Variants in TMED8 observed in about 807,000 individuals in gnomAD.
TMED8 encodes transmembrane p24 trafficking protein family member 8, also known as protein TMED8.
TMED8 carries 15 observed loss-of-function variants against 32.7 expected under a neutral mutation model. The observed-to-expected ratio is 0.46, with a 90% CI of 0.31 to 0.71. The LOEUF is 0.71. Ranked by LOEUF, TMED8 falls within the 30% of genes least tolerant of loss-of-function variation. TMED8 has a pLI of 0.06. For missense variants in TMED8, 390 were observed against 423.9 expected, an observed-to-expected ratio of 0.92 and a Z score of 0.70; for synonymous variants, 147 against 161.4, an observed-to-expected ratio of 0.91 and a Z score of 0.68.
chr14:77,376,869 C>A lies in TMED8; in HGVS notation c.118+67G>T, dbSNP rs1415172409. ...AGCCCAGGACAGAGCGCGGCGGAGGCTCGCGCCGTGGTGCGGGGCCCTGAG... is the reference window on the plus strand; with the variant it reads ...AGCCCAGGACAGAGCGCGGCGGAGGATCGCGCCGTGGTGCGGGGCCCTGAG... On this transcript the variant is annotated intron_variant, in intron 1 of 5. Transcript: ENST00000216468. The surrounding 1 kb of genome is among the most constrained non-coding windows in gnomAD (Gnocchi z 4.0). 2 of 1,052,230 alleles carry A rather than the reference C, an allele frequency of 1.9e-6. No homozygotes were observed. The highest frequency in any genetic ancestry group is 2.5e-6 in the Non-Finnish European group (2 of 792,392). 65.2% of individuals were successfully genotyped at this position (1,052,230 alleles called of 1,614,324 possible).
At chr14:77,360,406 CTTTT>C (rs936317278) in intron 1 of TMED8, among the ~76,000 whole-genome samples, 1 of 144,740 alleles carries the variant, frequency 6.9e-6, no homozygotes, top group African/African-American at 2.5e-5. Context: ...GTGTACTTGA[CTTTT>C]TTTTTTTTAG....
chr14:77,350,990 C>T (rs1301984040), intron 2 of TMED8, among the ~76,000 whole-genome samples: 1 of 152,118 alleles, frequency 6.6e-6, no homozygotes, highest in African/African-American at 2.4e-5. Context: ...CCGCTTTAAG[C>T]TTCTGGTTTG....
intron 1 of TMED8, among the ~76,000 whole-genome samples, chr14:77,363,857 T>C (rs1893492287): frequency 6.6e-6 from 1 of 152,176 alleles, no homozygotes; most frequent in South Asian, 2.1e-4. Context: ...ACTGTGTGGA[T>C]GTACACCATA....
At chr14:77,357,256 T>A (rs746352092) in intron 1 of TMED8, among the ~76,000 whole-genome samples, 16 of 152,216 alleles carry the variant, frequency 1.1e-4, no homozygotes, top group Admixed American at 6.5e-5. Flanking sequence ...AAGAGGCACA[T>A]AATCTATGGT....
At chr14:77,343,116 A>G in intron 5 of TMED8, 62 bp downstream of exon 5, 1 of 1,543,310 alleles carries the variant, frequency 6.5e-7, no homozygotes, top group Non-Finnish European at 8.8e-7. Context: ...ACAACCCACA[A>G]AATGGTCACC....
At position 77,341,833 on chromosome 14, in the gene TMED8, C is replaced by T. The variant is rs760072803; in HGVS notation, c.916G>A (p.Asp306Asn). 4.3e-6 allele frequency: 7 copies of T among 1,613,642 alleles called. No individual in the cohort carries two copies. The highest frequency in any genetic ancestry group is 2.2e-5 in the East Asian group (1 of 44,818). ...PGEGIYLLKF[D>N]NSYSLLRNKT... ...TTGCGCAGCAGGGAGTAGGAGTTGTCGAACTTGAGCAGGTAGATGCCCTCA... is the reference window on the plus strand; with the variant it reads ...TTGCGCAGCAGGGAGTAGGAGTTGTTGAACTTGAGCAGGTAGATGCCCTCA... The change falls in exon 6 of 6, where the codon GAC becomes AAC. Residue 306 changes from aspartate (D) to asparagine (N), a missense_variant. By Grantham distance (23) the Asp-to-Asn change is conservative. Coordinates refer to ENST00000216468, the MANE Select transcript of TMED8 (RefSeq NM_213601.3).
chr14:77,374,353 A>C (rs1893766231), intron 1 of TMED8, among the ~76,000 whole-genome samples: 2 of 152,244 alleles, frequency 1.3e-5, no homozygotes, highest in Admixed American at 1.3e-4. Flanking sequence ...ACTCTAACAC[A>C]GCGTTCCCAA....
intron 1 of TMED8, among the ~76,000 whole-genome samples, chr14:77,358,844 G>T (rs896687357): frequency 6.6e-6 from 1 of 151,976 alleles, no homozygotes; most frequent in African/African-American, 2.4e-5. Flanking sequence ...ACATATAGTT[G>T]TATGTTGCCC....
chr14:77,373,761 G>A (rs1893751105), intron 1 of TMED8, among the ~76,000 whole-genome samples: 1 of 152,212 alleles, frequency 6.6e-6, no homozygotes, highest in Admixed American at 6.5e-5. Context: ...TAGAGGTGAG[G>A]TCTGGTGGGA....
chr14:77,369,970 G>A (rs1408300451), intron 1 of TMED8, among the ~76,000 whole-genome samples: 6 of 152,110 alleles, frequency 3.9e-5, no homozygotes, highest in Non-Finnish European at 8.8e-5. Context: ...TCAGGAGTTC[G>A]AGACCAACCT....
chr14:77,347,216 A>T (rs545200467), intron 2 of TMED8, among the ~76,000 whole-genome samples: 5 of 152,314 alleles, frequency 3.3e-5, no homozygotes, highest in Middle Eastern at 3.4e-3. Flanking sequence ...AGTTCTACAC[A>T]CAAAGCCACT....
At chr14:77,346,320 A>G (rs1190001687) in intron 3 of TMED8, 29 bp downstream of exon 3, 8 of 1,611,160 alleles carry the variant, frequency 5.0e-6, no homozygotes, top group Middle Eastern at 1.7e-4. Context: ...GCCTCCTTTC[A>G]TAAGAAAGAG....
chr14:77,343,499 G>T lies in TMED8; in HGVS notation c.455-16C>A, dbSNP rs555685113. On this transcript the variant is annotated splice_polypyrimidine_tract_variant and intron_variant, in intron 4 of 5. Transcript: ENST00000216468. ...GGTGGGGAGACTGAAAGGACAAGCA[G>T]CTTAGCACTGAGAAACCATGAGGAA... The T allele has an allele frequency of 5.0e-6, 8 of 1,610,530 alleles. No homozygotes were observed. The South Asian group carries it at 6.6e-5, about 13-fold the overall frequency.
chr14:77,375,120 G>A (rs1893782362), intron 1 of TMED8, among the ~76,000 whole-genome samples: 1 of 152,096 alleles, frequency 6.6e-6, no homozygotes, highest in Non-Finnish European at 1.5e-5. Context: ...CACAGAATAA[G>A]CATTCAATAT....
At chr14:77,345,461 C>A (rs752039377) in intron 3 of TMED8, among the ~76,000 whole-genome samples, 1 of 152,088 alleles carries the variant, frequency 6.6e-6, no homozygotes, top group Non-Finnish European at 1.5e-5. Flanking sequence ...TATTCTAACA[C>A]ATATGCTAAT....
chr14:77,360,279 T>C (rs140858432), intron 1 of TMED8, among the ~76,000 whole-genome samples: 193 of 152,312 alleles, frequency 1.3e-3, no homozygotes, highest in African/African-American at 4.4e-3. Context: ...ATTAGATCTC[T>C]AGACTTGTTC....
chr14:77,364,835 A>C (rs1007720694), intron 1 of TMED8, among the ~76,000 whole-genome samples: 10 of 152,196 alleles, frequency 6.6e-5, no homozygotes, highest in Admixed American at 6.5e-5. Context: ...CTAGGAGTGG[A>C]TATCCGAGTG....
chr14:77,366,151 C>T (rs1009405583), intron 1 of TMED8, among the ~76,000 whole-genome samples: 2 of 152,152 alleles, frequency 1.3e-5, no homozygotes, highest in South Asian at 2.1e-4. Context: ...TTCTAGTCCC[C>T]GACATCCCTC....
rs915066405 is a variant in TMED8 at position 77,335,454 on chromosome 14, A to G, written c.*6317T>C. 2 of 152,258 alleles carry G rather than the reference A, an allele frequency of 1.3e-5. No homozygotes were observed. Among genetic ancestry groups the G allele is most frequent in the Admixed American group, 6.5e-5 (1 of 15,284 alleles). The allele number at this position is 152,258 out of a possible 1,614,324, so 9.4% of individuals were successfully genotyped here. On this transcript the variant is annotated 3_prime_UTR_variant, in exon 6 of 6. Transcript: ENST00000216468. Reference sequence around the variant, plus strand: ...TCAGCAACAGTACATGATATAGAACAGTAAGAAAATAATGTCTTTGTAGTT... The same window carrying G: ...TCAGCAACAGTACATGATATAGAACGGTAAGAAAATAATGTCTTTGTAGTT...
Sources: allele counts gnomAD v4.1 joint callset (sites outside exome capture counted in the v4.1 genomes callset), GRCh38; gene constraint gnomAD v4.1.1; non-coding constraint Gnocchi (gnomAD v3.1); transcripts MANE v1.5; gene names NCBI Gene and HGNC (gene_info 2026-07-23, HGNC 2026-07-21).